The following SBNO2 variants were observed in gnomAD, a reference collection of about 807,000 sequenced individuals.
SBNO2 encodes the protein protein strawberry notch homolog 2.
SBNO2 carries 89 observed loss-of-function variants against 146.3 expected under a neutral mutation model. That is an observed-to-expected ratio of 0.61 (90% CI 0.51 to 0.73). The LOEUF (loss-of-function observed/expected upper bound fraction) is 0.73. Among genes scored for constraint, SBNO2 ranks in the 30% least tolerant of loss-of-function variants. The pLI, the probability that SBNO2 is intolerant of heterozygous loss-of-function variation, is 0.00. For synonymous variants in SBNO2, 1,147 were observed against 892.6 expected, an observed-to-expected ratio of 1.29 and a Z score of -5.08; for missense variants, 2,092 against 2,003.7, an observed-to-expected ratio of 1.04 and a Z score of -0.84.
chr19:1,148,066 G>A (rs2080211036), intron 3 of SBNO2, among the ~76,000 whole-genome samples: 1 of 152,018 alleles, frequency 6.6e-6, no homozygotes, highest in Non-Finnish European at 1.5e-5. Context: ...GGAGAGGGGT[G>A]GCCGCCGTCC....
intron 1 of SBNO2, among the ~76,000 whole-genome samples, chr19:1,163,281 G>C (rs1041037377): frequency 3.9e-5 from 6 of 152,218 alleles, no homozygotes; most frequent in African/African-American, 1.4e-4. Context: ...CCACACATCG[G>C]GAGACGGCCG....
rs532423982 is a variant in SBNO2, at chr19:1,117,287, G to A, written c.1704+36C>T. ...GAGCAGCCTCCGCCCCTGCAGGCCC[G>A]GCCGCCCTCAGCCCTCGAAGGCCGC... On this transcript the variant is annotated intron_variant, in intron 15 of 31. Transcript: ENST00000361757. 45 of 1,534,336 alleles carry A rather than the reference G, an allele frequency of 2.9e-5. No homozygotes were observed. In the African/African-American group the frequency reaches 3.2e-4, roughly 11 times the overall value.
chr19:1,109,491 C>A lies in SBNO2; in HGVS notation c.3216+15G>T, dbSNP rs1469689238. On this transcript the variant is annotated intron_variant, in intron 28 of 31. Transcript: ENST00000361757. This position sits in a 1 kb window ranked among gnomAD's most constrained non-coding sequence, Gnocchi z 4.2. ...GCGGGCCCTCCTCTGGGGGGGTAAC[C>A]CCGCCCGACCCCACCTTGTAGGAGA... 1.3e-6 allele frequency: 2 copies of A among 1,584,788 alleles called. No individual in the cohort carries two copies. Among genetic ancestry groups the A allele is most frequent in the African/African-American group, 2.7e-5 (2 of 74,364 alleles).
intron 4 of SBNO2, among the ~76,000 whole-genome samples, chr19:1,143,534 G>A (rs138964600): frequency 5.1e-4 from 78 of 152,288 alleles, no homozygotes; most frequent in African/African-American, 1.9e-3. Context: ...CAGTCTGGAG[G>A]GCAGAACTTG....
chr19:1,143,570 TC>T (rs929194645), intron 4 of SBNO2, among the ~76,000 whole-genome samples: 1 of 152,102 alleles, frequency 6.6e-6, no homozygotes, highest in Admixed American at 6.5e-5. Context: ...GCAGGGCAGG[TC>T]CCTCCCGGGG....
intron 2 of SBNO2, among the ~76,000 whole-genome samples, chr19:1,151,369 G>A (rs1214059082): frequency 6.6e-6 from 1 of 152,170 alleles, no homozygotes; most frequent in Non-Finnish European, 1.5e-5. Flanking sequence ...TGCTCCACCT[G>A]TACCCAGGCC....
chr19:1,164,753 G>A lies in SBNO2; in HGVS notation c.-127+9419C>T, dbSNP rs374834141. On this transcript the variant is annotated intron_variant, in intron 1 of 31. Transcript: ENST00000361757. ...GGAGGAGGAGGAGGAACAGGTGCTA[G>A]GACACTGTGGGGACATCCCAGATGC... is the stretch of plus-strand genomic sequence containing the variant. Among the ~76,000 whole-genome samples, 4 of 72,896 alleles carry A rather than the reference G, an allele frequency of 5.5e-5. No individual in the cohort carries two copies. The East Asian group carries it at 1.5e-3, about 27-fold the overall frequency. 47.8% of individuals were successfully genotyped at this position (72,896 alleles called of 152,430 possible). A position where few individuals can be genotyped will look rare whatever the true frequency, so the allele number is the denominator to read the frequency against.
At position 1,116,067 on chromosome 19, in the gene SBNO2, C is replaced by T. The variant is rs201247429; in HGVS notation, c.1839G>A (p.Pro613=). Residue 613 remains proline (P), a synonymous_variant, in exon 17 of 32, where the codon CCG becomes CCA. Transcript: ENST00000361757. ...CTCTGTCCCGCTTTCTCTTGGTGGA[C>T]GGAAAGTGCTTCTGAATTAGCGACA... ...VFLSLIQKHF[P]STKRKRDRGA... 39 of 1,611,002 alleles carry T rather than the reference C, an allele frequency of 2.4e-5. No individual in the cohort carries two copies. Among genetic ancestry groups the T allele is most frequent in the African/African-American group, 1.1e-4 (8 of 74,808 alleles).
intron 1 of SBNO2, among the ~76,000 whole-genome samples, chr19:1,167,665 C>A (rs149766582): frequency 2.6e-5 from 4 of 152,178 alleles, no homozygotes; most frequent in African/African-American, 9.7e-5. Flanking sequence ...GAATCCAGGA[C>A]GACCCCTCTG....
At chr19:1,167,363 C>T (rs2080435912) in intron 1 of SBNO2, among the ~76,000 whole-genome samples, 1 of 152,268 alleles carries the variant, frequency 6.6e-6, no homozygotes, top group Admixed American at 6.5e-5. Context: ...GGCTGCTCCA[C>T]GGCCACGGCT....
At chr19:1,113,483 A>C (rs1599826497) in intron 19 of SBNO2, 52 bp downstream of exon 19, 4 of 1,414,000 alleles carry the variant, frequency 2.8e-6, no homozygotes, top group Non-Finnish European at 2.9e-6. Context: ...GTGAAGCCCC[A>C]CCCACTGCCC....
At chr19:1,113,420 C>A in intron 19 of SBNO2, 115 bp downstream of exon 19, 2 of 979,448 alleles carry the variant, frequency 2.0e-6, no homozygotes, top group South Asian at 1.7e-5. Context: ...CCTCGCAGGG[C>A]CGCGGAGACG....
At position 1,126,085 on chromosome 19, in the gene SBNO2, G is replaced by GC. The variant is rs1331187343; in HGVS notation, c.441+1518dup. On this transcript the variant is annotated intron_variant, in intron 5 of 31. Transcript: ENST00000361757. The surrounding 1 kb of genome is among the most constrained non-coding windows in gnomAD (Gnocchi z 4.4). ...ACGTCCTGAGACGGGTGAGGTTTCC[G>GC]CCCAAGCCTGCCTGAGCCCGGGCCG... Among the ~76,000 whole-genome samples, 6 of 152,266 alleles carry GC rather than the reference G, an allele frequency of 3.9e-5. No individual in the cohort carries two copies. In the East Asian group the frequency reaches 1.2e-3, roughly 29 times the overall value.
At position 1,150,401 on chromosome 19, in the gene SBNO2, G is replaced by A. The variant is rs1311779991; in HGVS notation, c.94-959C>T. Among the ~76,000 whole-genome samples the A allele has an allele frequency of 6.6e-6, 1 of 151,996 alleles. No individual in the cohort carries two copies. The highest frequency in any genetic ancestry group is 1.9e-4 in the East Asian group (1 of 5,164). On this transcript the variant is annotated intron_variant, in intron 2 of 31. Coordinates refer to ENST00000361757, the MANE Select transcript of SBNO2 (RefSeq NM_014963.3). The surrounding 1 kb of genome is among the most constrained non-coding windows in gnomAD (Gnocchi z 6.2). Reference sequence around the variant, plus strand: ...CCTCAGCAGGGCCCCCACCTGCACAGGGCCAACCTCACCTGCAGCAGAGAG... The same window carrying A: ...CCTCAGCAGGGCCCCCACCTGCACAAGGCCAACCTCACCTGCAGCAGAGAG...
At chr19:1,153,889 GCC>G (rs1043979403) in intron 2 of SBNO2, among the ~76,000 whole-genome samples, 1 of 152,098 alleles carries the variant, frequency 6.6e-6, no homozygotes, top group Admixed American at 6.6e-5. Flanking sequence ...GTAAAGTTGA[GCC>G]CCCCCTACAG....
At chr19:1,114,028 C>T (rs1471033616) in intron 18 of SBNO2, among the ~76,000 whole-genome samples, 1 of 152,232 alleles carries the variant, frequency 6.6e-6, no homozygotes, top group Admixed American at 6.5e-5. Context: ...CTCTCTGGGC[C>T]TCAGTTTCCC....
intron 1 of SBNO2, among the ~76,000 whole-genome samples, chr19:1,156,216 C>T (rs914260669): frequency 6.6e-6 from 1 of 152,172 alleles, no homozygotes; most frequent in African/African-American, 2.4e-5. Flanking sequence ...TCTCTGAGCC[C>T]CCCACGTCTG....
At chr19:1,167,005 T>C (rs2145355018) in intron 1 of SBNO2, among the ~76,000 whole-genome samples, 1 of 152,324 alleles carries the variant, frequency 6.6e-6, no homozygotes, top group Non-Finnish European at 1.5e-5. Flanking sequence ...CCAGCCTTGG[T>C]GACAAAAATG....
chr19:1,170,251 G>A lies in SBNO2; in HGVS notation c.-127+3921C>T, dbSNP rs1022040377. Among the ~76,000 whole-genome samples the A allele has an allele frequency of 3.9e-5, 6 of 152,336 alleles. No homozygotes were observed. In the South Asian group the frequency reaches 8.3e-4, roughly 21 times the overall value. ...CAGAACCCCAGGTTTGCCTTCGCCCGCAGGGCTGAGCCCTCTCCTGAGTCC... is the reference window on the plus strand; with the variant it reads ...CAGAACCCCAGGTTTGCCTTCGCCCACAGGGCTGAGCCCTCTCCTGAGTCC... On this transcript the variant is annotated intron_variant, in intron 1 of 31. Coordinates refer to ENST00000361757, the MANE Select transcript of SBNO2 (RefSeq NM_014963.3).
Sources: allele counts gnomAD v4.1 joint callset (sites outside exome capture counted in the v4.1 genomes callset), GRCh38; gene constraint gnomAD v4.1.1; non-coding constraint Gnocchi (gnomAD v3.1); transcripts MANE v1.5; gene names NCBI Gene and HGNC (gene_info 2026-07-23, HGNC 2026-07-21).